The following ZBTB7C variants were observed in gnomAD, a reference collection of about 807,000 sequenced individuals.
The protein encoded by ZBTB7C is zinc finger and BTB domain-containing protein 7C.
A neutral mutation model predicts 25.7 loss-of-function variants in ZBTB7C; 8 were observed. The observed-to-expected ratio is 0.31, with a 90% CI of 0.18 to 0.56. ZBTB7C has a LOEUF of 0.56. Among genes scored for constraint, ZBTB7C ranks in the 20% least tolerant of loss-of-function variants. ZBTB7C has a pLI of 0.91. For missense variants in ZBTB7C, 824 were observed against 855.2 expected, an observed-to-expected ratio of 0.96 and a Z score of 0.46; for synonymous variants, 394 against 369.0, an observed-to-expected ratio of 1.07 and a Z score of -0.78.
chr18:48,033,050 G>A (rs1415121883), intron 4 of ZBTB7C, among the ~76,000 whole-genome samples: 5 of 152,192 alleles, frequency 3.3e-5, no homozygotes, highest in Non-Finnish European at 5.9e-5. Context: ...GGGAGTCCCT[G>A]TTGTAGCTTC....
intron 3 of ZBTB7C, chr18:48,165,024 C>G: frequency 8.3e-7 from 1 of 1,201,448 alleles, no homozygotes; most frequent in Non-Finnish European, 1.1e-6. Context: ...TAAGCCAAAA[C>G]AATTCTATAC....
At position 48,029,186 on chromosome 18, in the gene ZBTB7C, C is replaced by T; in HGVS notation, c.*74G>A. 1 of 1,451,820 alleles carries T rather than the reference C, an allele frequency of 6.9e-7. No individual in the cohort carries two copies. Among genetic ancestry groups the T allele is most frequent in the Non-Finnish European group, 9.0e-7 (1 of 1,109,836 alleles). 89.9% of individuals were successfully genotyped at this position (1,451,820 alleles called of 1,614,324 possible). On this transcript the variant is annotated 3_prime_UTR_variant, in exon 5 of 5. Transcript: ENST00000590800. ...GTTTTTAAAATGAAAAGTTCAGATC[C>T]ATGGGGTAGGGTAGAGTGGGCCTGG...
chr18:48,252,666 A>G (rs542618969), intron 2 of ZBTB7C: 2 of 152,472 alleles, frequency 1.3e-5, no homozygotes, highest in South Asian at 4.1e-4. Flanking sequence ...CTCCAACTGC[A>G]TCGCTCAATC....
At chr18:48,239,344 G>A (rs116953694) in intron 2 of ZBTB7C, among the ~76,000 whole-genome samples, 1 of 152,150 alleles carries the variant, frequency 6.6e-6, no homozygotes, top group African/African-American at 2.4e-5. Flanking sequence ...GCTTGTATCA[G>A]CTGATGCTCC....
At chr18:48,157,912 A>G (rs529720483) in intron 3 of ZBTB7C, among the ~76,000 whole-genome samples, 1 of 152,264 alleles carries the variant, frequency 6.6e-6, no homozygotes, top group African/African-American at 2.4e-5. Context: ...GAGAAATTCA[A>G]TCCCACTCAA....
chr18:48,136,202 G>C (rs896971459), intron 3 of ZBTB7C, among the ~76,000 whole-genome samples: 4 of 152,186 alleles, frequency 2.6e-5, no homozygotes, highest in Non-Finnish European at 5.9e-5. Flanking sequence ...GGGTGACGCC[G>C]GCCCGGGCGC....
intron 4 of ZBTB7C, among the ~76,000 whole-genome samples, chr18:48,035,211 C>T (rs1205145193): frequency 6.6e-6 from 1 of 152,216 alleles, no homozygotes; most frequent in African/African-American, 2.4e-5. Flanking sequence ...GCACAGCCTT[C>T]GGGGTTCAGC....
intron 1 of ZBTB7C, among the ~76,000 whole-genome samples, chr18:48,378,798 T>C (rs2047576771): frequency 6.6e-6 from 1 of 152,154 alleles, no homozygotes; most frequent in South Asian, 2.1e-4. Context: ...CAAAAATTCT[T>C]GTAAATTAAA....
chr18:48,411,134 G>A (rs1457026989), upstream of ZBTB7C, among the ~76,000 whole-genome samples: 1 of 152,120 alleles, frequency 6.6e-6, no homozygotes, highest in Non-Finnish European at 1.5e-5. Context: ...AGGGAAAACG[G>A]GCTCTGGAAT....
intron 2 of ZBTB7C, among the ~76,000 whole-genome samples, chr18:48,272,035 C>T (rs2044504709): frequency 6.6e-6 from 1 of 152,162 alleles, no homozygotes; most frequent in South Asian, 2.1e-4. Flanking sequence ...CAAATGATAT[C>T]ATTGCTCATG....
intron 3 of ZBTB7C, among the ~76,000 whole-genome samples, chr18:48,124,181 C>G (rs773979079): frequency 6.6e-6 from 1 of 152,220 alleles, no homozygotes; most frequent in Non-Finnish European, 1.5e-5. Flanking sequence ...CTAGAAATGT[C>G]GGATTCTCTG....
intron 2 of ZBTB7C, among the ~76,000 whole-genome samples, chr18:48,195,363 C>T (rs897528377): frequency 3.3e-5 from 5 of 152,052 alleles, no homozygotes; most frequent in East Asian, 1.9e-4. Context: ...ATCATGGGGG[C>T]GGGTTTTCCC....
At chr18:48,391,541 G>A (rs77257496) in intron 1 of ZBTB7C, among the ~76,000 whole-genome samples, 8,206 of 152,216 alleles carry the variant, frequency 0.054, 274 homozygotes, top group Non-Finnish European at 0.074. Flanking sequence ...AAATTAACCA[G>A]ACATGACTTA....
intron 3 of ZBTB7C, among the ~76,000 whole-genome samples, chr18:48,140,976 C>T (rs972249655): frequency 3.3e-5 from 5 of 152,316 alleles, no homozygotes; most frequent in Admixed American, 6.5e-5. Flanking sequence ...TCTGCTCCTT[C>T]GGCCCAACGC....
At chr18:48,396,984 A>G (rs1319862927) in intron 1 of ZBTB7C, among the ~76,000 whole-genome samples, 3 of 152,234 alleles carry the variant, frequency 2.0e-5, no homozygotes, top group Admixed American at 2.0e-4. Context: ...TTTTTACAAC[A>G]GTGCTTTACG....
intron 3 of ZBTB7C, among the ~76,000 whole-genome samples, chr18:48,111,176 ACCTCC>A (rs750126844): frequency 1.6e-4 from 24 of 151,558 alleles, no homozygotes; most frequent in Non-Finnish European, 2.8e-4. Flanking sequence ...TGTCACCTCC[ACCTCC>A]CCACCCCATC....
rs147662844 is a variant in ZBTB7C, at chr18:48,127,587, G to A, written c.-17+58347C>T. 8.7e-3 allele frequency among the ~76,000 whole-genome samples: 1,328 copies of A among 152,362 alleles called. 20 individuals are homozygous for A. Among genetic ancestry groups the A allele is most frequent in the Middle Eastern group, 0.01 (3 of 294 alleles). ...TTCGATGGCCCCCACTGGTTGTGAG[G>A]AAGGCCTTGTGGGCCAGCATTTCTC... is the stretch of plus-strand genomic sequence containing the variant. On this transcript the variant is annotated intron_variant, in intron 3 of 4. Coordinates refer to ENST00000590800, the MANE Select transcript of ZBTB7C (RefSeq NM_001318841.2).
intron 3 of ZBTB7C, among the ~76,000 whole-genome samples, chr18:48,079,584 G>A (rs950074785): frequency 5.3e-5 from 8 of 152,080 alleles, no homozygotes; most frequent in African/African-American, 1.4e-4. Flanking sequence ...GCACCTCCTC[G>A]CCAAAGCAGA....
intron 3 of ZBTB7C, among the ~76,000 whole-genome samples, chr18:48,141,472 G>C (rs539386718): frequency 1.3e-5 from 2 of 152,194 alleles, no homozygotes; most frequent in East Asian, 3.9e-4. Context: ...TGGTACAGGT[G>C]TTTATTGAGA....
Sources: gnomAD v4.1 joint callset for allele counts (sites outside exome capture counted in the v4.1 genomes callset) on GRCh38, gnomAD v4.1.1 for gene constraint, MANE v1.5 for transcripts, NCBI Gene and HGNC (gene_info 2026-07-23, HGNC 2026-07-21) for gene names.